Variants in HIP1 observed in about 807,000 individuals in gnomAD.
HIP1 encodes the protein huntingtin interacting protein 1.
Under a neutral mutation model 147.6 loss-of-function variants are expected in HIP1, and 65 were observed. That is an observed-to-expected ratio of 0.44 (90% CI 0.36 to 0.54). The LOEUF is 0.54. Among genes scored for constraint, HIP1 ranks in the 20% least tolerant of loss-of-function variants. The pLI, the probability that HIP1 is intolerant of heterozygous loss-of-function variation, is 0.00. For synonymous variants in HIP1, 479 were observed against 504.0 expected (o/e 0.95, Z 0.67); for missense variants, 1,061 against 1,299.6 (o/e 0.82, Z 2.82).
At chr7:75,615,382 C>T (rs1797618428) in intron 1 of HIP1, among the ~76,000 whole-genome samples, 1 of 151,836 alleles carries the variant, frequency 6.6e-6, no homozygotes, top group Non-Finnish European at 1.5e-5. Flanking sequence ...TGGTAAGACC[C>T]CATCTCTACA....
chr7:75,730,704 T>G (rs534062487), intron 1 of HIP1, among the ~76,000 whole-genome samples: 1 of 151,588 alleles, frequency 6.6e-6, no homozygotes, highest in Non-Finnish European at 1.5e-5. Context: ...TGTAAGGCCT[T>G]TACCATTTGC....
chr7:75,625,225 G>T (rs1028464556), intron 1 of HIP1: 7 of 152,156 alleles, frequency 4.6e-5, no homozygotes, highest in Non-Finnish European at 7.3e-5. Context: ...TTTTTATAGA[G>T]ATGGGGTCTC....
At chr7:75,624,985 G>A (rs1797987286) in intron 1 of HIP1, 1 of 149,732 alleles carries the variant, frequency 6.7e-6, no homozygotes, top group African/African-American at 2.5e-5. Context: ...CCAGGCTGGA[G>A]TGCAGTGGTG....
intron 1 of HIP1, among the ~76,000 whole-genome samples, chr7:75,737,793 G>C (rs1802073629): frequency 6.6e-6 from 1 of 152,164 alleles, no homozygotes; most frequent in Admixed American, 6.6e-5. Flanking sequence ...CCAGCCTCTG[G>C]AGAGGGGGAC....
intron 1 of HIP1, among the ~76,000 whole-genome samples, chr7:75,731,376 C>T (rs1250500419): frequency 6.6e-6 from 1 of 150,454 alleles, no homozygotes; most frequent in Admixed American, 6.7e-5. Flanking sequence ...CCAGCTACTC[C>T]TGAAGCTGAG....
intron 5 of HIP1, among the ~76,000 whole-genome samples, chr7:75,584,284 G>C (rs1035659240): frequency 6.6e-6 from 1 of 151,944 alleles, no homozygotes; most frequent in African/African-American, 2.4e-5. Context: ...TTTTTTAAGA[G>C]ACAGGGTCTC....
chr7:75,604,679 A>AGAAG (rs587773413), intron 1 of HIP1, among the ~76,000 whole-genome samples: 43 of 142,880 alleles, frequency 3.0e-4, no homozygotes, highest in Non-Finnish European at 4.5e-4. Context: ...AAAAGAAGGA[A>AGAAG]GAAGGAAGGA....
At chr7:75,598,267 C>T (rs1300796604) in intron 2 of HIP1, among the ~76,000 whole-genome samples, 2 of 152,040 alleles carry the variant, frequency 1.3e-5, no homozygotes, top group Non-Finnish European at 2.9e-5. Flanking sequence ...TGTGGTGGCA[C>T]ACGCCTGTCA....
At chr7:75,663,934 GTA>G (rs72121686) in intron 1 of HIP1, among the ~76,000 whole-genome samples, 2,940 of 24,468 alleles carry the variant, frequency 0.12, 241 homozygotes, top group Middle Eastern at 0.32. Context: ...ATGTATGTGT[GTA>G]TATATATATA....
intron 1 of HIP1, among the ~76,000 whole-genome samples, chr7:75,723,907 G>A (rs1475029953): frequency 2.6e-5 from 4 of 151,444 alleles, no homozygotes; most frequent in Non-Finnish European, 4.4e-5. Flanking sequence ...GTGTCAGTGC[G>A]CCCGGCTAAT....
chr7:75,583,267 T>C lies in HIP1; in HGVS notation c.466-1116A>G, dbSNP rs587757917. ...CCTGCCTGCCTTTCTACCACACTGCTTGGAAGACCTGCTGAGAGCCTGGGT... is the reference window on the plus strand; with the variant it reads ...CCTGCCTGCCTTTCTACCACACTGCCTGGAAGACCTGCTGAGAGCCTGGGT... On this transcript the variant is annotated intron_variant, in intron 5 of 30. Transcript: ENST00000336926. Among the ~76,000 whole-genome samples the C allele has an allele frequency of 2.6e-5, 4 of 152,186 alleles. No homozygotes were observed. The South Asian group carries it at 8.3e-4, about 32-fold the overall frequency.
At chr7:75,657,302 G>A (rs1364929837) in intron 1 of HIP1, among the ~76,000 whole-genome samples, 3 of 151,962 alleles carry the variant, frequency 2.0e-5, no homozygotes, top group African/African-American at 4.8e-5. Context: ...AGGCCGAGGC[G>A]GGCAGATCAC....
At chr7:75,538,816 C>T (rs587612172) in intron 30 of HIP1, among the ~76,000 whole-genome samples, 3 of 151,434 alleles carry the variant, frequency 2.0e-5, no homozygotes, top group African/African-American at 7.3e-5. Context: ...CCTCGTGATC[C>T]GCCCGCCTCG....
At chr7:75,724,086 A>C (rs1801583335) in intron 1 of HIP1, among the ~76,000 whole-genome samples, 1 of 151,738 alleles carries the variant, frequency 6.6e-6, no homozygotes, top group African/African-American at 2.4e-5. Context: ...CCTCCTGAGT[A>C]GTTGGGATTA....
At chr7:75,652,774 A>C (rs1211143283) in intron 1 of HIP1, among the ~76,000 whole-genome samples, 1 of 152,214 alleles carries the variant, frequency 6.6e-6, no homozygotes, top group Non-Finnish European at 1.5e-5. Context: ...AGTGGTGAAG[A>C]GGTAAAATAG....
rs532914685 is a variant in HIP1 at position 75,729,523 on chromosome 7, C to T, written c.120+9278G>A. Among the ~76,000 whole-genome samples the T allele has an allele frequency of 5.9e-5, 9 of 151,866 alleles. No individual in the cohort carries two copies. In the East Asian group the frequency reaches 7.8e-4, roughly 13 times the overall value. ...AAAAGCGGCCGGGCGCAATGGCTCA[C>T]GCCTGTATTCCCAGTACTTTGGGAG... On this transcript the variant is annotated intron_variant, in intron 1 of 30. Coordinates refer to ENST00000336926, the MANE Select transcript of HIP1 (RefSeq NM_005338.7).
rs1291477287 is a variant in HIP1 at position 75,735,663 on chromosome 7, TTC to T, written c.120+3136_120+3137del. On this transcript the variant is annotated intron_variant, in intron 1 of 30. Coordinates refer to ENST00000336926, the MANE Select transcript of HIP1 (RefSeq NM_005338.7). ...TTGACTAACGTTGGGTTTAGGGCTG[TTC>T]TCTTTTCTTTTCTTTTCTTTTTCTT... is the stretch of plus-strand genomic sequence containing the variant. 1.1e-4 allele frequency among the ~76,000 whole-genome samples: 16 copies of T among 139,754 alleles called. No homozygotes were observed. The East Asian group carries it at 3.2e-3, about 28-fold the overall frequency. The allele number at this position is 139,754 out of a possible 152,430, so 91.7% of individuals were successfully genotyped here.
chr7:75,649,266 A>G (rs1798901159), intron 1 of HIP1, among the ~76,000 whole-genome samples: 3 of 152,152 alleles, frequency 2.0e-5, no homozygotes, highest in South Asian at 4.1e-4. Context: ...TCAGATGATC[A>G]GCCTGCCTTG....
Position 75,549,110 on chromosome 7 carries a change from C to A in HIP1, c.2296-109G>T, listed in dbSNP as rs587658753. 3 of 751,980 alleles carry A rather than the reference C, an allele frequency of 4.0e-6. No individual in the cohort carries two copies. The Admixed American group carries it at 6.3e-5, about 16-fold the overall frequency. 46.6% of individuals were successfully genotyped at this position (751,980 alleles called of 1,614,324 possible). A position where few individuals can be genotyped will look rare whatever the true frequency, so the allele number is the denominator to read the frequency against. ...AAGGCAGGAGGCCACCCAGCAAACACCTTCTGCAAGCCACAGGGGTTGTGG... is the reference window on the plus strand; with the variant it reads ...AAGGCAGGAGGCCACCCAGCAAACAACTTCTGCAAGCCACAGGGGTTGTGG... On this transcript the variant is annotated intron_variant, in intron 22 of 30. Coordinates refer to ENST00000336926, the MANE Select transcript of HIP1 (RefSeq NM_005338.7).
Sources: gnomAD v4.1 joint callset for allele counts (sites outside exome capture counted in the v4.1 genomes callset) on GRCh38, gnomAD v4.1.1 for gene constraint, MANE v1.5 for transcripts, NCBI Gene and HGNC (gene_info 2026-07-23, HGNC 2026-07-21) for gene names.